The following CLUL1 variants were observed in gnomAD, a reference collection of about 807,000 sequenced individuals.
The protein encoded by CLUL1 is clusterin-like protein 1.
In CLUL1, 43 loss-of-function variants were observed where a neutral mutation model predicts 49.4. The observed-to-expected ratio is 0.87, with a 90% CI of 0.68 to 1.12. CLUL1 has a LOEUF of 1.12. Ranked by LOEUF, CLUL1 falls within the 50% of genes most tolerant of loss-of-function variation. The pLI is 0.00. For missense variants in CLUL1, 486 were observed against 544.4 expected, an observed-to-expected ratio of 0.89 and a Z score of 1.07; for synonymous variants, 192 against 184.9, an observed-to-expected ratio of 1.04 and a Z score of -0.31.
intron 9 of CLUL1, among the ~76,000 whole-genome samples, chr18:647,964 C>G (rs2074558146): frequency 6.6e-6 from 1 of 152,126 alleles, no homozygotes; most frequent in Non-Finnish European, 1.5e-5. Context: ...GGACTTAGGA[C>G]TCTGCCTGGC....
chr18:642,365 G>C (rs915654969), intron 8 of CLUL1, among the ~76,000 whole-genome samples: 1 of 152,202 alleles, frequency 6.6e-6, no homozygotes, highest in African/African-American at 2.4e-5. Context: ...CCGGAAGGCA[G>C]AGGTTGCAGT....
At chr18:641,230 A>G in intron 7 of CLUL1, 97 bp from the exon 8 acceptor site, 2 of 950,836 alleles carry the variant, frequency 2.1e-6, no homozygotes, top group Non-Finnish European at 1.6e-6. Flanking sequence ...GCAAAAGGGG[A>G]AAATAGAGAA....
chr18:632,704 C>T (rs1218039854), intron 6 of CLUL1, among the ~76,000 whole-genome samples: 1 of 152,154 alleles, frequency 6.6e-6, no homozygotes, highest in African/African-American at 2.4e-5. Context: ...TTCATGACTC[C>T]TCCTAGAAAA....
At chr18:645,849 A>ATATG (rs2074489522) in intron 9 of CLUL1, among the ~76,000 whole-genome samples, 1 of 129,202 alleles carries the variant, frequency 7.7e-6, no homozygotes, top group Non-Finnish European at 1.6e-5. Flanking sequence ...ATATATATAT[A>ATATG]TATGTTAAAC....
At chr18:598,855 A>C (rs114989924) in intron 1 of CLUL1, among the ~76,000 whole-genome samples, 1 of 152,176 alleles carries the variant, frequency 6.6e-6, no homozygotes, top group Admixed American at 6.5e-5. Flanking sequence ...GAAGGCATAT[A>C]TGTAAATGAT....
At chr18:600,252 T>G (rs941365472) in intron 1 of CLUL1, among the ~76,000 whole-genome samples, 2 of 152,246 alleles carry the variant, frequency 1.3e-5, no homozygotes, top group Non-Finnish European at 2.9e-5. Flanking sequence ...TGGCTAAATA[T>G]TTCCTGGACA....
At chr18:632,836 A>G (rs1331159806) in intron 6 of CLUL1, among the ~76,000 whole-genome samples, 1 of 152,182 alleles carries the variant, frequency 6.6e-6, no homozygotes, top group African/African-American at 2.4e-5. Flanking sequence ...AAATTATTGC[A>G]CCAACGTGCA....
chr18:628,701 G>A (rs141493478), intron 6 of CLUL1, among the ~76,000 whole-genome samples: 2,880 of 143,100 alleles, frequency 0.02, 86 homozygotes, highest in African/African-American at 0.072. Context: ...GTGTGATCTC[G>A]GCTCACTGCA....
Position 606,297 on chromosome 18 carries a change from C to G in CLUL1, c.-135-681C>G, listed in dbSNP as rs2072972040. 6.6e-6 allele frequency among the ~76,000 whole-genome samples: 1 copy of G among 152,162 alleles called. No individual in the cohort carries two copies. Among genetic ancestry groups the G allele is most frequent in the Non-Finnish European group, 1.5e-5 (1 of 68,028 alleles). Reference sequence around the variant, plus strand: ...CCCCCTTTTCCAAGATGTGCACAGCCTGACTCCTAACTCCCCACCACTGAC... The same window carrying G: ...CCCCCTTTTCCAAGATGTGCACAGCGTGACTCCTAACTCCCCACCACTGAC... On this transcript the variant is annotated intron_variant, in intron 1 of 9. Coordinates refer to ENST00000692774, the MANE Select transcript of CLUL1 (RefSeq NM_001393344.1). The surrounding 1 kb of genome is among the most constrained non-coding windows in gnomAD (Gnocchi z 4.1).
At chr18:620,057 C>T (rs2073443146) in intron 4 of CLUL1, among the ~76,000 whole-genome samples, 1 of 152,146 alleles carries the variant, frequency 6.6e-6, no homozygotes, top group Non-Finnish European at 1.5e-5. Context: ...TTTGTTACCA[C>T]TCACTCCTAA....
intron 7 of CLUL1, among the ~76,000 whole-genome samples, chr18:639,156 G>A (rs888142499): frequency 3.9e-5 from 6 of 152,176 alleles, no homozygotes; most frequent in Admixed American, 1.3e-4. Flanking sequence ...GCCGGGTGTG[G>A]TGGCTCATGC....
intron 1 of CLUL1, among the ~76,000 whole-genome samples, chr18:603,746 A>G (rs748152138): frequency 9.9e-5 from 15 of 152,134 alleles, no homozygotes; most frequent in Non-Finnish European, 1.8e-4. Flanking sequence ...TTAGCAGAAG[A>G]TTTTCTGGTG....
At chr18:637,829 C>G (rs1008131023) in intron 7 of CLUL1, among the ~76,000 whole-genome samples, 1 of 152,016 alleles carries the variant, frequency 6.6e-6, no homozygotes, top group Non-Finnish European at 1.5e-5. Flanking sequence ...CAAAAATTAG[C>G]CAGATATGGT....
At chr18:646,579 G>A (rs2074516090) in intron 9 of CLUL1, among the ~76,000 whole-genome samples, 1 of 151,426 alleles carries the variant, frequency 6.6e-6, no homozygotes, top group Admixed American at 6.6e-5. Context: ...ACAGGAGTGG[G>A]CTCTGGGAGT....
intron 1 of CLUL1, among the ~76,000 whole-genome samples, chr18:599,194 C>A (rs1445930516): frequency 6.6e-6 from 1 of 152,094 alleles, no homozygotes; most frequent in Non-Finnish European, 1.5e-5. Flanking sequence ...TTTTACATGT[C>A]TTTAAGTGTA....
intron 1 of CLUL1, among the ~76,000 whole-genome samples, chr18:604,435 A>T (rs757325091): frequency 1.2e-4 from 19 of 152,250 alleles, no homozygotes; most frequent in Non-Finnish European, 2.5e-4. Flanking sequence ...GGATTTAGTG[A>T]TCAGCTATGT....
intron 4 of CLUL1, among the ~76,000 whole-genome samples, chr18:622,581 G>T (rs1184846378): frequency 6.6e-6 from 1 of 152,198 alleles, no homozygotes; most frequent in African/African-American, 2.4e-5. Context: ...TATTCCTTAG[G>T]AATGTTTACT....
chr18:636,893 C>T (rs574074837), intron 7 of CLUL1, among the ~76,000 whole-genome samples: 6 of 152,290 alleles, frequency 3.9e-5, no homozygotes, highest in Non-Finnish European at 8.8e-5. Flanking sequence ...TCCCAAAGTG[C>T]TGGGATTACA....
chr18:622,497 A>G (rs972949033), intron 4 of CLUL1, among the ~76,000 whole-genome samples: 1 of 152,158 alleles, frequency 6.6e-6, no homozygotes, highest in African/African-American at 2.4e-5. Context: ...ACTGTCATCT[A>G]TAGGAATAGA....
Sources: allele counts gnomAD v4.1 joint callset (sites outside exome capture counted in the v4.1 genomes callset), GRCh38; gene constraint gnomAD v4.1.1; non-coding constraint Gnocchi (gnomAD v3.1); transcripts MANE v1.5; gene names NCBI Gene and HGNC (gene_info 2026-07-23, HGNC 2026-07-21).